Variants in NME7 observed in about 807,000 individuals in gnomAD.
NME7 encodes nucleoside diphosphate kinase 7.
A neutral mutation model predicts 49.1 loss-of-function variants in NME7; 41 were observed. The ratio of observed to expected loss-of-function variants is 0.83; its 90% CI spans 0.65 to 1.08. NME7 has a LOEUF of 1.08. NME7 is among the 50% of genes least tolerant of loss of function. NME7 has a pLI of 0.00. For synonymous variants in NME7, 139 were observed against 150.6 expected, an observed-to-expected ratio of 0.92 and a Z score of 0.56; for missense variants, 423 against 463.4, an observed-to-expected ratio of 0.91 and a Z score of 0.80.
At chr1:169,206,931 T>A (rs1387238678) in intron 10 of NME7, among the ~76,000 whole-genome samples, 10 of 152,178 alleles carry the variant, frequency 6.6e-5, no homozygotes, top group Admixed American at 3.3e-4. Context: ...TTCAGTCAGA[T>A]ATTAGTGAAA....
intron 10 of NME7, among the ~76,000 whole-genome samples, chr1:169,188,643 C>T (rs372139828): frequency 1.7e-4 from 26 of 152,130 alleles, no homozygotes; most frequent in African/African-American, 3.9e-4. Context: ...TATTGTCATT[C>T]GGTATTAATC....
intron 6 of NME7, among the ~76,000 whole-genome samples, chr1:169,293,252 C>G (rs1650581170): frequency 6.7e-6 from 1 of 149,816 alleles, no homozygotes; most frequent in Non-Finnish European, 1.5e-5. Flanking sequence ...ACTATTATCA[C>G]ACCAACCACT....
At chr1:169,281,854 A>G (rs1650029609) in intron 7 of NME7, among the ~76,000 whole-genome samples, 1 of 152,126 alleles carries the variant, frequency 6.6e-6, no homozygotes, top group African/African-American at 2.4e-5. Context: ...GTTTGCCAGT[A>G]TTTTATTGTG....
intron 10 of NME7, among the ~76,000 whole-genome samples, chr1:169,186,294 C>T (rs1370739374): frequency 6.6e-6 from 1 of 152,116 alleles, no homozygotes; most frequent in African/African-American, 2.4e-5. Flanking sequence ...GACAGGATTG[C>T]AGGCTCTAGA....
At chr1:169,253,109 G>T (rs547392104) in intron 7 of NME7, among the ~76,000 whole-genome samples, 1 of 152,242 alleles carries the variant, frequency 6.6e-6, no homozygotes, top group African/African-American at 2.4e-5. Flanking sequence ...AAAGGCATTG[G>T]TAGCTTGATG....
chr1:169,265,827 A>G (rs1195421584), intron 7 of NME7, among the ~76,000 whole-genome samples: 3 of 133,080 alleles, frequency 2.3e-5, no homozygotes, highest in African/African-American at 7.6e-5. Flanking sequence ...ATCAGAGACT[A>G]CTATGAACAC....
Position 169,132,765 on chromosome 1 carries a change from CTTCTT to C in NME7, c.*15_*19del, listed in dbSNP as rs1250378570. On this transcript the variant is annotated 3_prime_UTR_variant, in exon 12 of 12. Transcript: ENST00000367811. ...CTTGTCTAAATGTCCCAACCTGTGA[CTTCTT>C]TACTTTCCACACCACTAATTATCCA... The C allele has an allele frequency of 6.2e-7, 1 of 1,610,604 alleles. No individual in the cohort carries two copies. Among genetic ancestry groups the C allele is most frequent in the Non-Finnish European group, 8.5e-7 (1 of 1,177,608 alleles).
At chr1:169,345,953 C>G (rs955182626) in intron 1 of NME7, among the ~76,000 whole-genome samples, 5 of 152,114 alleles carry the variant, frequency 3.3e-5, no homozygotes, top group African/African-American at 7.2e-5. Flanking sequence ...ATCCTAGGGT[C>G]ATCTTTTAAC....
chr1:169,233,936 TTC>T (rs1647748456), intron 9 of NME7, among the ~76,000 whole-genome samples: 2 of 150,726 alleles, frequency 1.3e-5, no homozygotes, highest in Non-Finnish European at 3.0e-5. Flanking sequence ...CTTTGTTTCT[TTC>T]TTTCTTCTTT....
chr1:169,363,220 AG>A (rs1653724695), intron 1 of NME7, among the ~76,000 whole-genome samples: 1 of 152,124 alleles, frequency 6.6e-6, no homozygotes, highest in Non-Finnish European at 1.5e-5. Flanking sequence ...GCTGGGTGAC[AG>A]GGCAATATCC....
intron 7 of NME7, among the ~76,000 whole-genome samples, chr1:169,243,206 A>G (rs1340960514): frequency 2.0e-5 from 3 of 152,212 alleles, no homozygotes; most frequent in Non-Finnish European, 2.9e-5. Context: ...TCAATGGAAC[A>G]GAACAAAAAA....
intron 10 of NME7, among the ~76,000 whole-genome samples, chr1:169,198,390 C>T (rs1376254302): frequency 6.6e-6 from 1 of 151,898 alleles, no homozygotes; most frequent in Non-Finnish European, 1.5e-5. Context: ...ACATATATTC[C>T]CACAAAAACT....
chr1:169,272,380 T>G (rs985284880), intron 7 of NME7, among the ~76,000 whole-genome samples: 2 of 132,188 alleles, frequency 1.5e-5, no homozygotes, highest in East Asian at 4.0e-4. Context: ...TTGCTGCACA[T>G]ATCAACTCAT....
intron 7 of NME7, among the ~76,000 whole-genome samples, chr1:169,244,800 G>A (rs534356204): frequency 1.0e-3 from 154 of 152,010 alleles, no homozygotes; most frequent in Admixed American, 1.6e-3. Flanking sequence ...CTGATGTTAA[G>A]GTCTTTCCTG....
At position 169,356,498 on chromosome 1, in the gene NME7, GA is replaced by G. The variant is rs35009499; in HGVS notation, c.3+11209del. Reference sequence around the variant, plus strand: ...TGCAGCTGAAGTGTATGTAAAACTGGAAAAAAAAAGATGTAAACTTTGAAAA... The same window carrying G: ...TGCAGCTGAAGTGTATGTAAAACTGGAAAAAAAAGATGTAAACTTTGAAAA... On this transcript the variant is annotated intron_variant, in intron 1 of 11. Transcript: ENST00000367811. 4.7e-5 allele frequency among the ~76,000 whole-genome samples: 7 copies of G among 150,290 alleles called. No homozygotes were observed. The East Asian group carries it at 9.7e-4, about 21-fold the overall frequency.
chr1:169,258,127 C>T (rs1461126868), intron 7 of NME7, among the ~76,000 whole-genome samples: 1 of 130,298 alleles, frequency 7.7e-6, no homozygotes, highest in Non-Finnish European at 1.8e-5. Flanking sequence ...TCCTTGAGTC[C>T]AGGAGTTTGT....
intron 10 of NME7, among the ~76,000 whole-genome samples, chr1:169,180,961 C>T (rs184067620): frequency 8.9e-4 from 136 of 152,212 alleles, no homozygotes; most frequent in Non-Finnish European, 1.6e-3. Flanking sequence ...AGCTCTCTCC[C>T]AGGACCGAGG....
intron 10 of NME7, among the ~76,000 whole-genome samples, chr1:169,223,394 T>C (rs913688131): frequency 1.7e-4 from 26 of 152,260 alleles, no homozygotes; most frequent in African/African-American, 6.0e-4. Flanking sequence ...GAAGGGATTT[T>C]GAAACTATAT....
intron 10 of NME7, among the ~76,000 whole-genome samples, chr1:169,224,538 A>C (rs1661243873): frequency 6.6e-6 from 1 of 152,126 alleles, no homozygotes; most frequent in Admixed American, 6.5e-5. Flanking sequence ...ACACACATTT[A>C]TACATATATA....
Sources: gnomAD v4.1 joint callset for allele counts (sites outside exome capture counted in the v4.1 genomes callset) on GRCh38, gnomAD v4.1.1 for gene constraint, MANE v1.5 for transcripts, NCBI Gene and HGNC (gene_info 2026-07-23, HGNC 2026-07-21) for gene names.